LYRM4: variants seen among roughly 807,000 people sequenced by gnomAD.
LYRM4 encodes the protein LYR motif-containing protein 4.
LYRM4 carries 9 observed loss-of-function variants against 11.7 expected under a neutral mutation model. That is an observed-to-expected ratio of 0.77 (90% confidence interval 0.46 to 1.34). The LOEUF is 1.34. Among genes scored for constraint, LYRM4 ranks in the 40% most tolerant of loss-of-function variants. The pLI is 0.00. For missense variants in LYRM4, 133 were observed against 112.5 expected, an observed-to-expected ratio of 1.18 and a Z score of -0.82; for synonymous variants, 42 against 40.4, an observed-to-expected ratio of 1.04 and a Z score of -0.15.
chr6:5,234,371 A>G (rs34713043), intron 1 of LYRM4, among the ~76,000 whole-genome samples: 7,474 of 152,306 alleles, frequency 0.049, 600 homozygotes, highest in African/African-American at 0.16. Flanking sequence ...GCGCTCCTCC[A>G]CAGAGGCGCC....
At chr6:5,110,055 G>C (rs1355502927) in intron 2 of LYRM4, among the ~76,000 whole-genome samples, 1 of 152,154 alleles carries the variant, frequency 6.6e-6, no homozygotes, top group Non-Finnish European at 1.5e-5. Context: ...TTTTTATTAA[G>C]TGTCTTAATG....
At chr6:5,074,293 T>TGGCCACTGAGTGGAAGCCTAG in the LYRM4 span, among the ~76,000 whole-genome samples, 11 of 152,150 alleles carry the variant, frequency 7.2e-5, no homozygotes, top group Non-Finnish European at 1.6e-4. Flanking sequence ...AAGCCATTAT[T>TGGCCACTGAGTGGAAGCCTAG]ACTGACTAGG....
At chr6:5,114,296 G>A (rs1318057975) in intron 2 of LYRM4, among the ~76,000 whole-genome samples, 1 of 152,232 alleles carries the variant, frequency 6.6e-6, no homozygotes, top group Non-Finnish European at 1.5e-5. Flanking sequence ...TGACCATGGA[G>A]CCACCATGCC....
At chr6:5,171,371 A>G (rs1759417050) in intron 2 of LYRM4, among the ~76,000 whole-genome samples, 2 of 152,170 alleles carry the variant, frequency 1.3e-5, no homozygotes, top group South Asian at 4.1e-4. Context: ...TCCAGCTCCT[A>G]TGTTTACAAC....
chr6:5,099,219 T>TTA (rs1554124368), downstream of LYRM4, among the ~76,000 whole-genome samples: 1 of 150,898 alleles, frequency 6.6e-6, no homozygotes, highest in Non-Finnish European at 1.5e-5. This position sits in a 1 kb window ranked among gnomAD's most constrained non-coding sequence, Gnocchi z 4.3. Flanking sequence ...TTTTTTTTTT[T>TTA]AAAGACAGGG....
the LYRM4 span, among the ~76,000 whole-genome samples, chr6:5,053,767 G>A: frequency 6.6e-6 from 1 of 152,164 alleles, no homozygotes; most frequent in South Asian, 2.1e-4. Context: ...GGTCTGTATG[G>A]AGGAATCTCA....
the LYRM4 span, chr6:5,066,638 T>C: frequency 8.4e-7 from 1 of 1,192,110 alleles, no homozygotes; most frequent in Non-Finnish European, 1.3e-6. Context: ...TGGCACCAAT[T>C]TCAAGTAATG....
intron 1 of LYRM4, among the ~76,000 whole-genome samples, chr6:5,259,852 A>C (rs1764899218): frequency 6.6e-6 from 1 of 152,254 alleles, no homozygotes; most frequent in Non-Finnish European, 1.5e-5. Flanking sequence ...GAGAGAATCC[A>C]TAAGAAAATG....
At chr6:5,052,147 A>G in the LYRM4 span, among the ~76,000 whole-genome samples, 1 of 152,244 alleles carries the variant, frequency 6.6e-6, no homozygotes, top group Non-Finnish European at 1.5e-5. Context: ...TTGAAATGAA[A>G]GGGCACTAAA....
chr6:5,034,752 G>GTTTTTTTTTTTT, the LYRM4 span: 2 of 7,868 alleles, frequency 2.5e-4, no homozygotes, highest in Non-Finnish European at 4.9e-4. Flanking sequence ...TTACAGCAAT[G>GTTTTTTTTTTTT]CTTTTTTTTT....
the LYRM4 span, among the ~76,000 whole-genome samples, chr6:5,062,741 A>G: frequency 6.6e-6 from 1 of 152,118 alleles, no homozygotes; most frequent in African/African-American, 2.4e-5. Context: ...CTCAGGACAT[A>G]ATTTACTTCT....
chr6:5,162,158 C>T (rs1257436845), intron 2 of LYRM4, among the ~76,000 whole-genome samples: 1 of 152,120 alleles, frequency 6.6e-6, no homozygotes, highest in Non-Finnish European at 1.5e-5. Flanking sequence ...GGCTGTCAAC[C>T]CTGCCTGCAC....
chr6:5,179,770 G>A (rs1759964111), intron 2 of LYRM4, among the ~76,000 whole-genome samples: 2 of 152,188 alleles, frequency 1.3e-5, no homozygotes, highest in Admixed American at 6.5e-5. Flanking sequence ...CATTTCCTTT[G>A]AGTATATAGC....
At chr6:5,214,407 G>T (rs544937441) in intron 2 of LYRM4, among the ~76,000 whole-genome samples, 6 of 152,302 alleles carry the variant, frequency 3.9e-5, no homozygotes, top group African/African-American at 1.2e-4. Context: ...AGGGAGAGGA[G>T]TGCAATGGAG....
At chr6:5,169,142 T>C (rs1370849525) in intron 2 of LYRM4, among the ~76,000 whole-genome samples, 1 of 152,196 alleles carries the variant, frequency 6.6e-6, no homozygotes, top group Non-Finnish European at 1.5e-5. Flanking sequence ...CTACCCAGGT[T>C]AGCCAGAAAC....
the LYRM4 span, among the ~76,000 whole-genome samples, chr6:5,074,397 CTT>C: frequency 0.55 from 42,302 of 77,284 alleles, 10,224 homozygotes; most frequent in East Asian, 0.78. Flanking sequence ...AGCACAGGTA[CTT>C]TTTTTTTTTT....
intron 1 of LYRM4, among the ~76,000 whole-genome samples, chr6:5,218,080 A>C (rs1367652765): frequency 6.6e-6 from 1 of 150,410 alleles, no homozygotes; most frequent in Non-Finnish European, 1.5e-5. Flanking sequence ...GCTAATTAAA[A>C]AAAATTTTGG....
At chr6:5,168,906 A>G (rs1759251671) in intron 2 of LYRM4, among the ~76,000 whole-genome samples, 1 of 152,146 alleles carries the variant, frequency 6.6e-6, no homozygotes, top group Non-Finnish European at 1.5e-5. Context: ...ACGGTGATAA[A>G]GGAGAGGGAG....
At chr6:5,121,911 G>A (rs1479290397) in intron 2 of LYRM4, among the ~76,000 whole-genome samples, 1 of 152,240 alleles carries the variant, frequency 6.6e-6, no homozygotes, top group Non-Finnish European at 1.5e-5. Flanking sequence ...GCTGGGGAAT[G>A]AGCAAGTTCT....
Sources: gnomAD v4.1 joint callset for allele counts (sites outside exome capture counted in the v4.1 genomes callset) on GRCh38, gnomAD v4.1.1 for gene constraint, Gnocchi (gnomAD v3.1) non-coding constraint, MANE v1.5 for transcripts, NCBI Gene and HGNC (gene_info 2026-07-23, HGNC 2026-07-21) for gene names.